The following SNX2 variants were observed in gnomAD, a reference collection of about 807,000 sequenced individuals.
The protein encoded by SNX2 is sorting nexin-2.
SNX2 carries 25 observed loss-of-function variants against 69.9 expected under a neutral mutation model. That is an observed-to-expected ratio of 0.36 (90% confidence interval 0.26 to 0.50). SNX2 has a LOEUF of 0.50. Among genes scored for constraint, SNX2 ranks in the 20% least tolerant of loss-of-function variants. SNX2 has a pLI of 0.97. For synonymous variants in SNX2, 229 were observed against 200.4 expected (o/e 1.14, Z -1.20); for missense variants, 551 against 613.3 (o/e 0.90, Z 1.07).
At chr5:122,787,397 G>A (rs1428547745) in intron 1 of SNX2, among the ~76,000 whole-genome samples, 1 of 152,068 alleles carries the variant, frequency 6.6e-6, no homozygotes, top group Admixed American at 6.6e-5. Flanking sequence ...GTGCATGCCT[G>A]TAGTTCCAGC....
At chr5:122,803,222 C>G (rs12518529) in intron 5 of SNX2, among the ~76,000 whole-genome samples, 30,917 of 151,792 alleles carry the variant, frequency 0.2, 3,563 homozygotes, top group East Asian at 0.46. Flanking sequence ...GAATTATTAG[C>G]GTAAATAGAG....
chr5:122,826,297 T>G, intron 12 of SNX2, 104 bp downstream of exon 12: 1 of 946,962 alleles, frequency 1.1e-6, no homozygotes, highest in South Asian at 2.2e-5. Flanking sequence ...ACGTAGCTAT[T>G]TTTGCATATT....
intron 6 of SNX2, among the ~76,000 whole-genome samples, chr5:122,806,246 A>T (rs1389247045): frequency 1.3e-5 from 2 of 152,080 alleles, no homozygotes; most frequent in Non-Finnish European, 2.9e-5. Flanking sequence ...GGAAAAAAAT[A>T]AATGTAGTCA....
At chr5:122,827,894 C>T (rs112514943) in intron 14 of SNX2, 8 of 372,546 alleles carry the variant, frequency 2.1e-5, no homozygotes, top group African/African-American at 1.3e-4. Flanking sequence ...CATCAGAAAC[C>T]TCATGGGCAA....
intron 7 of SNX2, chr5:122,815,486 T>A (rs1753880603): frequency 6.6e-6 from 1 of 152,368 alleles, no homozygotes; most frequent in African/African-American, 2.4e-5. Context: ...CTTGGTTGAG[T>A]GGAATATATA....
intron 6 of SNX2, among the ~76,000 whole-genome samples, chr5:122,806,094 A>ATGTGTG (rs147188322): frequency 7.2e-5 from 9 of 124,792 alleles, no homozygotes; most frequent in East Asian, 6.3e-4. Context: ...TAAAACTTTT[A>ATGTGTG]TGTGTGTGTG....
chr5:122,797,507 C>A (rs540829478), intron 2 of SNX2, among the ~76,000 whole-genome samples: 1 of 152,214 alleles, frequency 6.6e-6, no homozygotes, highest in East Asian at 1.9e-4. Context: ...ACACTTGGTT[C>A]TTATTTATAA....
chr5:122,785,602 A>G (rs944162536), intron 1 of SNX2, among the ~76,000 whole-genome samples: 6 of 152,190 alleles, frequency 3.9e-5, no homozygotes, highest in South Asian at 2.1e-4. Context: ...CATTCAATTT[A>G]AAATAATTTC....
At chr5:122,798,442 A>G (rs1372531504) in intron 2 of SNX2, among the ~76,000 whole-genome samples, 3 of 152,236 alleles carry the variant, frequency 2.0e-5, no homozygotes, top group Non-Finnish European at 4.4e-5. Context: ...ACCAGTAAGA[A>G]TAGCTTGATA....
chr5:122,827,260 A>G (rs1754169821), intron 12 of SNX2, 119 bp from the exon 13 acceptor site: 2 of 739,894 alleles, frequency 2.7e-6, no homozygotes, highest in Non-Finnish European at 2.3e-6. Context: ...TAAATTGTGC[A>G]TTGCCAATAT....
chr5:122,812,387 T>G (rs1294791936), intron 7 of SNX2, among the ~76,000 whole-genome samples: 1 of 50,216 alleles, frequency 2.0e-5, no homozygotes, highest in African/African-American at 1.9e-4. Context: ...TTTTCCTACC[T>G]TAGTCTTTTC....
chr5:122,808,345 G>A lies in SNX2; in HGVS notation c.712G>A (p.Ala238Thr). 1 of 1,607,886 alleles carries A rather than the reference G, an allele frequency of 6.2e-7. No individual in the cohort carries two copies. Among genetic ancestry groups the A allele is most frequent in the Non-Finnish European group, 8.5e-7 (1 of 1,176,224 alleles). The stretch of plus-strand genomic sequence containing the variant: ...TGAGTTTGTAGAAAAACGGAGAGCA[G>A]CTCTTGAAAGGTAATTCTAGACAGC... ...STEFVEKRRA[A>T]LERYLQRTVK... is the part of the protein sequence containing the mutation. Residue 238 changes from alanine to threonine, a missense_variant, in exon 7 of 15, where the codon GCT becomes ACT. By Grantham distance (58) the Ala-to-Thr change is moderately conservative. Coordinates refer to ENST00000379516, the MANE Select transcript of SNX2 (RefSeq NM_003100.4).
chr5:122,799,607 T>G (rs1753462363), intron 2 of SNX2, 85 bp from the exon 3 acceptor site: 1 of 792,718 alleles, frequency 1.3e-6, no homozygotes, highest in Non-Finnish European at 1.9e-6. Context: ...TATAAAAATA[T>G]TTTTTATAAT....
intron 1 of SNX2, chr5:122,775,412 C>T: frequency 1.6e-6 from 2 of 1,266,798 alleles, no homozygotes; most frequent in Non-Finnish European, 2.0e-6. Flanking sequence ...GAGCAGCCTG[C>T]GGCCCGCGGG....
rs1000519365 is a variant in SNX2, at chr5:122,833,520, T to C, written c.*3872T>C. The C allele has an allele frequency of 1.3e-5, 2 of 152,226 alleles. No individual in the cohort carries two copies. Among genetic ancestry groups the C allele is most frequent in the Non-Finnish European group, 1.5e-5 (1 of 68,044 alleles). 9.4% of individuals were successfully genotyped at this position (152,226 alleles called of 1,614,324 possible). On this transcript the variant is annotated 3_prime_UTR_variant, in exon 15 of 15. Transcript: ENST00000379516. Reference sequence around the variant, plus strand: ...GATATTTTACATTCTTTTTTTGATATCTGATGTATATTTTACACTTTCATC... The same window carrying C: ...GATATTTTACATTCTTTTTTTGATACCTGATGTATATTTTACACTTTCATC...
At chr5:122,786,092 T>A (rs1285182441) in intron 1 of SNX2, among the ~76,000 whole-genome samples, 1 of 152,216 alleles carries the variant, frequency 6.6e-6, no homozygotes, top group African/African-American at 2.4e-5. Flanking sequence ...TCTTGGTAAA[T>A]TGACCCTTTT....
chr5:122,787,284 C>T (rs2150002117), intron 1 of SNX2, among the ~76,000 whole-genome samples: 1 of 152,240 alleles, frequency 6.6e-6, no homozygotes. Context: ...CTTTGGGAGG[C>T]CAAAGCAGGT....
At chr5:122,775,484 C>G (rs1396395678) in intron 1 of SNX2, 7 of 1,129,648 alleles carry the variant, frequency 6.2e-6, no homozygotes, top group African/African-American at 3.2e-5. Flanking sequence ...GCTTTCCCAG[C>G]TCAGCTGGCC....
chr5:122,814,242 T>A (rs766353289), intron 7 of SNX2, among the ~76,000 whole-genome samples: 7 of 152,236 alleles, frequency 4.6e-5, no homozygotes, highest in Non-Finnish European at 7.3e-5. Flanking sequence ...TCTGATATAT[T>A]GTGAGAGAAC....
Sources: gnomAD v4.1 joint callset for allele counts (sites outside exome capture counted in the v4.1 genomes callset) on GRCh38, gnomAD v4.1.1 for gene constraint, MANE v1.5 for transcripts, NCBI Gene and HGNC (gene_info 2026-07-23, HGNC 2026-07-21) for gene names.